The following RGP1 variants were observed in gnomAD, a reference collection of about 807,000 sequenced individuals.
RGP1 encodes the protein RAB6A-GEF complex partner protein 2.
A neutral mutation model predicts 44.5 loss-of-function variants in RGP1; 28 were observed. That is an observed-to-expected ratio of 0.63 (90% CI 0.47 to 0.86). RGP1 has a LOEUF of 0.86. Ranked by LOEUF, RGP1 falls within the 40% of genes least tolerant of loss-of-function variation. The probability of loss-of-function intolerance (pLI) is 0.00; values close to 1 mark genes in which losing one functional copy is unlikely to be tolerated. For missense variants in RGP1, 417 were observed against 490.7 expected, an observed-to-expected ratio of 0.85 and a Z score of 1.42; for synonymous variants, 212 against 196.7, an observed-to-expected ratio of 1.08 and a Z score of -0.65.
At chr9:35,786,985 A>C in the RGP1 span, among the ~76,000 whole-genome samples, 2 of 151,578 alleles carry the variant, frequency 1.3e-5, no homozygotes, top group African/African-American at 4.8e-5. Flanking sequence ...CTGTAGTTCC[A>C]GCTACTCGGG....
In RGP1 at chr9:35,749,830, C is replaced by T. The variant is rs1224586776; in HGVS notation, c.75C>T (p.Thr25=). 3.7e-6 allele frequency: 6 copies of T among 1,613,578 alleles called. No homozygotes were observed. The highest frequency in any genetic ancestry group is 5.1e-6 in the Non-Finnish European group (6 of 1,179,740). The change falls in exon 2 of 9, where the codon ACC becomes ACT. Residue 25 remains threonine, a synonymous_variant. Coordinates refer to ENST00000378078, the MANE Select transcript of RGP1 (RefSeq NM_001080496.3). This position sits in a 1 kb window ranked among gnomAD's most constrained non-coding sequence, Gnocchi z 4.4. ...GGGAGGCGCTGGAGTGTGTAGTGAC[C>T]GTCACCAACCCCCTTCCGCCCACGG... ...LAGEALECVV[T]VTNPLPPTAT... is the part of the protein sequence containing the mutation.
chr9:35,762,527 A>G (rs921838632), downstream of RGP1, among the ~76,000 whole-genome samples: 2 of 152,200 alleles, frequency 1.3e-5, no homozygotes, highest in African/African-American at 2.4e-5. Context: ...GGAAAAGTCA[A>G]TTCGCCCTTT....
chr9:35,762,759 T>C (rs1040559376), downstream of RGP1, among the ~76,000 whole-genome samples: 1 of 152,048 alleles, frequency 6.6e-6, no homozygotes, highest in African/African-American at 2.4e-5. Flanking sequence ...CCCTTTTACC[T>C]ATGCTTCAAC....
the RGP1 span, among the ~76,000 whole-genome samples, chr9:35,779,126 C>T: frequency 1.3e-5 from 2 of 152,230 alleles, no homozygotes; most frequent in Non-Finnish European, 1.5e-5. Context: ...AAATACTGCA[C>T]GTTCTAGAGA....
Position 35,751,448 on chromosome 9 carries a change from T to C in RGP1, c.634+36T>C, listed in dbSNP as rs756082104. ...TTTCAGAATTGTCCTACCCCATCCT[T>C]CCCCTCATTGTTTTCCCATCTCAGA... On this transcript the variant is annotated intron_variant, in intron 6 of 8. Coordinates refer to ENST00000378078, the MANE Select transcript of RGP1 (RefSeq NM_001080496.3). The C allele has an allele frequency of 8.7e-6, 14 of 1,612,438 alleles. No individual in the cohort carries two copies. In the African/African-American group the frequency reaches 1.9e-4, roughly 22 times the overall value.
At chr9:35,788,107 G>A in the RGP1 span, among the ~76,000 whole-genome samples, 2 of 152,210 alleles carry the variant, frequency 1.3e-5, no homozygotes, top group Non-Finnish European at 2.9e-5. Flanking sequence ...GCATGAGCCC[G>A]AATCCCATGG....
the RGP1 span, among the ~76,000 whole-genome samples, chr9:35,787,980 G>A: frequency 6.6e-6 from 1 of 152,180 alleles, no homozygotes; most frequent in Non-Finnish European, 1.5e-5. Context: ...TGTAGGCCTG[G>A]GAGGCATGAT....
chr9:35,779,004 A>G, the RGP1 span, among the ~76,000 whole-genome samples: 6 of 152,188 alleles, frequency 3.9e-5, no homozygotes, highest in Non-Finnish European at 8.8e-5. Flanking sequence ...TGAGCTCCTT[A>G]TTTCATATAA....
At position 35,753,323 on chromosome 9, in the gene RGP1, G is replaced by A. The variant is rs756970945; in HGVS notation, c.*449G>A. ...GGGGAAGGAGTCAGCACAGTGAAAG[G>A]CTGCCTTTATCCCTGCCCACATGTT... On this transcript the variant is annotated 3_prime_UTR_variant, in exon 9 of 9. Transcript: ENST00000378078. This position sits in a 1 kb window ranked among gnomAD's most constrained non-coding sequence, Gnocchi z 4.2. 1 of 1,591,928 alleles carries A rather than the reference G, an allele frequency of 6.3e-7. No individual in the cohort carries two copies. The highest frequency in any genetic ancestry group is 1.1e-5 in the South Asian group (1 of 89,260).
In RGP1 at chr9:35,751,028, C is replaced by T. The variant is rs766834034; in HGVS notation, c.487+39C>T. On this transcript the variant is annotated intron_variant, in intron 5 of 8. Coordinates refer to ENST00000378078, the MANE Select transcript of RGP1 (RefSeq NM_001080496.3). ...CCTGGAGGGAAGGGCTGGGGAAGGG[C>T]GATGCCAAAGCAGAAATTGTCTTAG... 50 of 1,607,184 alleles carry T rather than the reference C, an allele frequency of 3.1e-5. No homozygotes were observed. The East Asian group carries it at 7.6e-4, about 24-fold the overall frequency.
At chr9:35,762,990 A>G (rs144171864), downstream of RGP1, among the ~76,000 whole-genome samples, 463 of 152,282 alleles carry the variant, frequency 3.0e-3, 3 homozygotes, top group Non-Finnish European at 5.7e-3. Context: ...TGGGATTCAA[A>G]TCTAGCTCTT....
In RGP1 at chr9:35,753,297, A is replaced by C. The variant is rs73438780; in HGVS notation, c.*423A>C. On this transcript the variant is annotated 3_prime_UTR_variant, in exon 9 of 9. Coordinates refer to ENST00000378078, the MANE Select transcript of RGP1 (RefSeq NM_001080496.3). This position sits in a 1 kb window ranked among gnomAD's most constrained non-coding sequence, Gnocchi z 4.2. ...TGCTGGGACCTGGGGAACCAAGGAT[A>C]GGGGAAGGAGTCAGCACAGTGAAAG... 3 of 1,610,932 alleles carry C rather than the reference A, an allele frequency of 1.9e-6. No individual in the cohort carries two copies. In the African/African-American group the frequency reaches 4.0e-5, roughly 22 times the overall value.
the RGP1 span, among the ~76,000 whole-genome samples, chr9:35,774,297 G>C: frequency 3.9e-5 from 6 of 152,220 alleles, no homozygotes; most frequent in Non-Finnish European, 5.9e-5. Context: ...ACTGTGCTCA[G>C]CTCTGGTCAG....
At chr9:35,785,334 A>G in the RGP1 span, among the ~76,000 whole-genome samples, 2 of 151,488 alleles carry the variant, frequency 1.3e-5, no homozygotes, top group Admixed American at 6.6e-5. Flanking sequence ...GGTTCCCTGA[A>G]GGTGCCTCAG....
At chr9:35,750,549 A>G in intron 3 of RGP1, 109 bp from the exon 4 acceptor site, 2 of 1,343,836 alleles carry the variant, frequency 1.5e-6, no homozygotes, top group Non-Finnish European at 2.1e-6. Context: ...TTCCCATTTC[A>G]CAGCAGGGAC....
chr9:35,769,286 CTTG>C, the RGP1 span, among the ~76,000 whole-genome samples: 42 of 152,210 alleles, frequency 2.8e-4, no homozygotes, highest in Non-Finnish European at 7.3e-5. Flanking sequence ...AGGTTCTTGT[CTTG>C]TTGTCCTTGA....
chr9:35,753,401 C>A lies in RGP1; in HGVS notation c.*527C>A, dbSNP rs956652071. The A allele has an allele frequency of 6.6e-5, 74 of 1,113,822 alleles. No individual in the cohort carries two copies. The highest frequency in any genetic ancestry group is 2.6e-5 in the Admixed American group (1 of 38,378). The allele number at this position is 1,113,822 out of a possible 1,614,324, so 69.0% of individuals were successfully genotyped here. A position where few individuals can be genotyped will look rare whatever the true frequency, so the allele number is the denominator to read the frequency against. ...AGCCCCTTTCAGTGGCCCCTTGGTC[C>A]TCCTAACTAAGCTGTCACCTACCAT... On this transcript the variant is annotated 3_prime_UTR_variant, in exon 9 of 9. Coordinates refer to ENST00000378078, the MANE Select transcript of RGP1 (RefSeq NM_001080496.3). The surrounding 1 kb of genome is among the most constrained non-coding windows in gnomAD (Gnocchi z 4.2).
chr9:35,763,311 C>G (rs1195388151), downstream of RGP1, among the ~76,000 whole-genome samples: 2 of 152,168 alleles, frequency 1.3e-5, no homozygotes, highest in Admixed American at 6.5e-5. Context: ...CCTCATTGTT[C>G]AGCTGAATGA....
chr9:35,780,998 G>T, the RGP1 span, among the ~76,000 whole-genome samples: 2 of 152,146 alleles, frequency 1.3e-5, no homozygotes, highest in South Asian at 2.1e-4. Context: ...CCAATGTAAG[G>T]TACAAAGATT....
Sources: allele counts gnomAD v4.1 joint callset (sites outside exome capture counted in the v4.1 genomes callset), GRCh38; gene constraint gnomAD v4.1.1; non-coding constraint Gnocchi (gnomAD v3.1); transcripts MANE v1.5; gene names NCBI Gene and HGNC (gene_info 2026-07-23, HGNC 2026-07-21).